The following DPP6 variants were observed in gnomAD, a reference collection of about 807,000 sequenced individuals.
DPP6 encodes A-type potassium channel modulatory protein DPP6.
DPP6 carries 69 observed loss-of-function variants against 122.6 expected under a neutral mutation model. That is an observed-to-expected ratio of 0.56 (90% CI 0.46 to 0.69). DPP6 has a LOEUF of 0.69. Ranked by LOEUF, DPP6 falls within the 30% of genes least tolerant of loss-of-function variation. The pLI, the probability that DPP6 is intolerant of heterozygous loss-of-function variation, is 0.00. For synonymous variants in DPP6, 418 were observed against 433.1 expected, an observed-to-expected ratio of 0.97 and a Z score of 0.43; for missense variants, 928 against 1,116.9, an observed-to-expected ratio of 0.83 and a Z score of 2.41.
the DPP6 span, among the ~76,000 whole-genome samples, chr7:153,789,619 G>A: frequency 0.35 from 52,946 of 151,990 alleles, 9,868 homozygotes; most frequent in South Asian, 0.48. Flanking sequence ...TGAATAATAA[G>A]TGAGAAGCTT....
Position 154,875,995 on chromosome 7 carries a change from T to C in DPP6, c.1973T>C (p.Val658Ala), listed in dbSNP as rs1584955832. ...GTGAGCAGCCACGGCGCGGTGGTGG[T>C]AAAGTGTGACGGCCGTGGCAGCGGC... ...VMVSSHGAVV[V>A]KCDGRGSGFQ... The change falls in exon 20 of 26, where the codon GTA becomes GCA. Residue 658 changes from valine (V) to alanine (A), a missense_variant. Val to Ala is a moderately conservative substitution (Grantham distance 64). Coordinates refer to ENST00000377770, the MANE Select transcript of DPP6 (RefSeq NM_130797.4). The surrounding 1 kb of genome is among the most constrained non-coding windows in gnomAD (Gnocchi z 4.5). 4 of 1,613,418 alleles carry C rather than the reference T, an allele frequency of 2.5e-6. No homozygotes were observed. The highest frequency in any genetic ancestry group is 3.4e-6 in the Non-Finnish European group (4 of 1,179,698).
the DPP6 span, among the ~76,000 whole-genome samples, chr7:153,780,164 T>A: frequency 4.6e-5 from 7 of 152,094 alleles, no homozygotes; most frequent in Non-Finnish European, 7.3e-5. Flanking sequence ...AGAAGTAAGC[T>A]GAGAATCAAA....
Position 154,727,841 on chromosome 7 carries a change from C to T in DPP6, c.837C>T (p.Gly279=), listed in dbSNP as rs1393338219. 3 of 1,613,764 alleles carry T rather than the reference C, an allele frequency of 1.9e-6. No individual in the cohort carries two copies. The highest frequency in any genetic ancestry group is 1.1e-5 in the South Asian group (1 of 91,038). ...AGGCCATCCGTGTGGTCTCCACTGGCAAGGAAGGTGTGATTTACAATGGCC... is the reference window on the plus strand; with the variant it reads ...AGGCCATCCGTGTGGTCTCCACTGGTAAGGAAGGTGTGATTTACAATGGCC... ...GKQAIRVVST[G]KEGVIYNGLS... Residue 279 remains glycine, a synonymous_variant, in exon 8 of 26, where the codon GGC becomes GGT. Transcript: ENST00000377770.
At chr7:154,707,536 A>G (rs1840903829) in intron 7 of DPP6, among the ~76,000 whole-genome samples, 1 of 152,312 alleles carries the variant, frequency 6.6e-6, no homozygotes, top group South Asian at 2.1e-4. Flanking sequence ...TTGCATGCCA[A>G]CTGCTCAGCA....
intron 1 of DPP6, among the ~76,000 whole-genome samples, chr7:154,409,586 G>A (rs1475788962): frequency 6.6e-6 from 1 of 152,142 alleles, no homozygotes; most frequent in South Asian, 2.1e-4. Flanking sequence ...CTTTGACGTG[G>A]TCTCCCTCTC....
At chr7:154,809,321 G>T (rs1222497342) in intron 16 of DPP6, among the ~76,000 whole-genome samples, 1 of 151,978 alleles carries the variant, frequency 6.6e-6, no homozygotes, top group East Asian at 1.9e-4. Context: ...GTGCCAAGGA[G>T]TGTGACTGGC....
At chr7:154,406,908 G>T (rs1465824709) in intron 1 of DPP6, among the ~76,000 whole-genome samples, 1 of 152,136 alleles carries the variant, frequency 6.6e-6, no homozygotes, top group African/African-American at 2.4e-5. Context: ...CCAGCAAAAA[G>T]GAATTGTGCC....
intron 16 of DPP6, among the ~76,000 whole-genome samples, chr7:154,823,462 A>ATAG (rs1212788464): frequency 3.3e-5 from 5 of 152,234 alleles, no homozygotes; most frequent in African/African-American, 1.2e-4. Flanking sequence ...AAGTGAATAC[A>ATAG]TAGACCTTAT....
At chr7:154,162,606 A>G (rs1486042956) in intron 1 of DPP6, among the ~76,000 whole-genome samples, 2 of 152,140 alleles carry the variant, frequency 1.3e-5, no homozygotes, top group Non-Finnish European at 2.9e-5. Flanking sequence ...GTATGTTGCT[A>G]GTGTTGAGTG....
At chr7:154,750,145 A>G (rs1843300643) in intron 8 of DPP6, among the ~76,000 whole-genome samples, 1 of 152,196 alleles carries the variant, frequency 6.6e-6, no homozygotes, top group African/African-American at 2.4e-5. Context: ...ATGCTGGGTC[A>G]TGGTCAAAAA....
chr7:154,380,815 T>A (rs1202873057), intron 1 of DPP6, among the ~76,000 whole-genome samples: 1 of 152,206 alleles, frequency 6.6e-6, no homozygotes, highest in Admixed American at 6.5e-5. Context: ...CCAGAGGCCA[T>A]CTCCTTGGTT....
intron 1 of DPP6, among the ~76,000 whole-genome samples, chr7:154,405,970 A>T (rs1168416209): frequency 1.3e-5 from 2 of 152,218 alleles, no homozygotes; most frequent in African/African-American, 2.4e-5. Flanking sequence ...TTGAAATGCG[A>T]TGCGTAACAT....
At chr7:154,737,520 A>G (rs1193167044) in intron 8 of DPP6, among the ~76,000 whole-genome samples, 1 of 151,948 alleles carries the variant, frequency 6.6e-6, no homozygotes, top group Non-Finnish European at 1.5e-5. Flanking sequence ...TTTGATCTGC[A>G]TTTGGTGGGA....
rs188772260 is a variant in DPP6 at position 153,945,719 on chromosome 7, G to C, written c.51+57985G>C. Reference sequence around the variant, plus strand: ...TTATGTTTCTCAGAAGCAGTTTTGTGAATCAGTAAGTGTGAAGGAAATAGC... The same window carrying C: ...TTATGTTTCTCAGAAGCAGTTTTGTCAATCAGTAAGTGTGAAGGAAATAGC... On this transcript the variant is annotated intron_variant, in intron 1 of 25. Coordinates refer to the DPP6 transcript ENST00000404039. Among the ~76,000 whole-genome samples the C allele has an allele frequency of 6.2e-3, 942 of 152,298 alleles. 8 individuals are homozygous for C. Among genetic ancestry groups the C allele is most frequent in the Non-Finnish European group, 9.8e-3 (664 of 68,034 alleles).
At chr7:154,060,143 C>T (rs1469561427) in intron 1 of DPP6, among the ~76,000 whole-genome samples, 4 of 149,666 alleles carry the variant, frequency 2.7e-5, no homozygotes, top group Admixed American at 2.6e-4. Flanking sequence ...CCTTTCCTCC[C>T]CTGGCTCTTT....
intron 1 of DPP6, among the ~76,000 whole-genome samples, chr7:154,185,224 G>A (rs1237958582): frequency 6.6e-6 from 1 of 152,200 alleles, no homozygotes; most frequent in Non-Finnish European, 1.5e-5. Context: ...GTAATGAGAA[G>A]ATCAGCACCA....
chr7:154,343,157 C>T (rs1810077160), intron 1 of DPP6, among the ~76,000 whole-genome samples: 1 of 152,206 alleles, frequency 6.6e-6, no homozygotes, highest in African/African-American at 2.4e-5. Context: ...CTGCTGCTTC[C>T]GTGTTCCCTG....
At chr7:154,426,701 C>G (rs1425225595) in intron 1 of DPP6, among the ~76,000 whole-genome samples, 1 of 150,938 alleles carries the variant, frequency 6.6e-6, no homozygotes, top group Non-Finnish European at 1.5e-5. Context: ...ACTTGCTGCT[C>G]TGGTTACTTG....
intron 1 of DPP6, among the ~76,000 whole-genome samples, chr7:154,227,227 C>CAT (rs2150842215): frequency 6.6e-6 from 1 of 151,984 alleles, no homozygotes; most frequent in African/African-American, 2.4e-5. Flanking sequence ...CACACACACA[C>CAT]ACACCCCTAG....
Sources: gnomAD v4.1 joint callset for allele counts (sites outside exome capture counted in the v4.1 genomes callset) on GRCh38, gnomAD v4.1.1 for gene constraint, Gnocchi (gnomAD v3.1) non-coding constraint, MANE v1.5 for transcripts, NCBI Gene and HGNC (gene_info 2026-07-23, HGNC 2026-07-21) for gene names.